The following MAPK10 variants were observed in gnomAD, a reference collection of about 807,000 sequenced individuals.
MAPK10 encodes JNK3 alpha protein kinase.
In MAPK10, 25 loss-of-function variants were observed where a neutral mutation model predicts 59.3. That is an observed-to-expected ratio of 0.42 (90% CI 0.31 to 0.59). MAPK10 has a LOEUF of 0.59. Ranked by LOEUF, MAPK10 falls within the 20% of genes least tolerant of loss-of-function variation. The pLI, the probability that MAPK10 is intolerant of heterozygous loss-of-function variation, is 0.15. For missense variants in MAPK10, 351 were observed against 568.9 expected, an observed-to-expected ratio of 0.62 and a Z score of 3.90; for synonymous variants, 190 against 200.5, an observed-to-expected ratio of 0.95 and a Z score of 0.44.
At chr4:86,128,800 A>T (rs1346063711) in intron 4 of MAPK10, among the ~76,000 whole-genome samples, 1 of 152,238 alleles carries the variant, frequency 6.6e-6, no homozygotes, top group African/African-American at 2.4e-5. Flanking sequence ...TATAACTGAC[A>T]TCACTTGCTG....
intron 1 of MAPK10, among the ~76,000 whole-genome samples, chr4:86,509,173 G>C (rs1379276455): frequency 1.3e-5 from 2 of 151,890 alleles, no homozygotes; most frequent in Non-Finnish European, 2.9e-5. Flanking sequence ...ATCTTAAAGG[G>C]CTTTCAAATT....
At chr4:86,125,472 G>A (rs574635948) in intron 4 of MAPK10, 1 of 151,734 alleles carries the variant, frequency 6.6e-6, no homozygotes, top group South Asian at 2.1e-4. Flanking sequence ...ATTTTAGCAT[G>A]TACTTTCATT....
At chr4:86,215,855 C>T (rs1275366853) in intron 2 of MAPK10, among the ~76,000 whole-genome samples, 1 of 152,122 alleles carries the variant, frequency 6.6e-6, no homozygotes, top group African/African-American at 2.4e-5. Context: ...GATTGAGACT[C>T]CATCTCAAAA....
chr4:86,133,120 AT>A (rs2149145359), intron 4 of MAPK10, among the ~76,000 whole-genome samples: 1 of 152,324 alleles, frequency 6.6e-6, no homozygotes, highest in African/African-American at 2.4e-5. Flanking sequence ...GCTGAAAAAA[AT>A]ATTTTCCAAA....
intron 2 of MAPK10, among the ~76,000 whole-genome samples, chr4:86,203,482 G>A (rs564319177): frequency 3.3e-5 from 5 of 151,346 alleles, no homozygotes; most frequent in African/African-American, 1.2e-4. Context: ...AGGATTCCAT[G>A]GTTTGTCACT....
chr4:86,552,495 G>GGGAA (rs1759908144), intron 1 of MAPK10, among the ~76,000 whole-genome samples: 2 of 45,754 alleles, frequency 4.4e-5, no homozygotes, highest in Non-Finnish European at 1.0e-4. Flanking sequence ...GAGGGAGGGA[G>GGGAA]GGAAGGAAAG....
At chr4:86,303,210 C>T (rs964064179) in intron 2 of MAPK10, among the ~76,000 whole-genome samples, 2 of 152,160 alleles carry the variant, frequency 1.3e-5, no homozygotes, top group Non-Finnish European at 2.9e-5. Context: ...TCCTTCAACT[C>T]TTTTCAATTT....
intron 2 of MAPK10, among the ~76,000 whole-genome samples, chr4:86,329,836 CTTATTATA>C (rs144639178): frequency 0.45 from 67,566 of 151,368 alleles, 15,466 homozygotes; most frequent in Non-Finnish European, 0.51. Context: ...AAGAATGTCT[CTTATTATA>C]TTATTTTCAA....
At chr4:86,199,755 A>G (rs1404472195) in intron 2 of MAPK10, among the ~76,000 whole-genome samples, 1 of 152,082 alleles carries the variant, frequency 6.6e-6, no homozygotes, top group East Asian at 1.9e-4. Flanking sequence ...TATTTTACAG[A>G]AAAAAGGTCA....
At chr4:86,147,094 A>AT (rs992545089) in intron 4 of MAPK10, among the ~76,000 whole-genome samples, 2,035 of 147,750 alleles carry the variant, frequency 0.014, 41 homozygotes, top group African/African-American at 0.045. Context: ...TCTTCTTCTT[A>AT]TTTTTTTTTT....
At chr4:86,063,852 T>C (rs2046213051) in intron 11 of MAPK10, among the ~76,000 whole-genome samples, 1 of 152,030 alleles carries the variant, frequency 6.6e-6, no homozygotes, top group Non-Finnish European at 1.5e-5. Flanking sequence ...CTAATTGAAA[T>C]ATTCTTAAGT....
At chr4:86,251,325 C>T (rs1030283039) in intron 2 of MAPK10, among the ~76,000 whole-genome samples, 2 of 151,932 alleles carry the variant, frequency 1.3e-5, no homozygotes, top group African/African-American at 4.8e-5. Context: ...TCCCTCCCCC[C>T]TCCTCCCTCC....
intron 11 of MAPK10, among the ~76,000 whole-genome samples, chr4:86,040,617 G>A (rs2041321884): frequency 6.6e-6 from 1 of 152,068 alleles, no homozygotes; most frequent in Non-Finnish European, 1.5e-5. Flanking sequence ...TCACGTAGAG[G>A]AAAGTTAAAG....
At chr4:86,081,380 C>T (rs542828652) in intron 9 of MAPK10, 1 of 151,838 alleles carries the variant, frequency 6.6e-6, no homozygotes, top group Non-Finnish European at 1.5e-5. Context: ...AGATTGCCAA[C>T]TTCTAAAACT....
At chr4:86,165,612 G>A (rs1301632516) in intron 3 of MAPK10, among the ~76,000 whole-genome samples, 1 of 126,940 alleles carries the variant, frequency 7.9e-6, no homozygotes, top group Non-Finnish European at 1.6e-5. Context: ...TGTTGCCCAG[G>A]CTGGTCTTGA....
At chr4:86,349,859 G>A (rs112174134) in intron 2 of MAPK10, among the ~76,000 whole-genome samples, 4 of 152,212 alleles carry the variant, frequency 2.6e-5, no homozygotes, top group African/African-American at 7.2e-5. Context: ...AGTCACAAAC[G>A]TCTTAAAGGA....
chr4:86,258,421 A>AC (rs1280302772), intron 2 of MAPK10, among the ~76,000 whole-genome samples: 1 of 151,966 alleles, frequency 6.6e-6, no homozygotes, highest in Non-Finnish European at 1.5e-5. Flanking sequence ...TGGGTTTTAA[A>AC]CCCCTTCTAT....
chr4:86,526,391 G>T (rs1236911835), intron 1 of MAPK10, among the ~76,000 whole-genome samples: 1 of 152,030 alleles, frequency 6.6e-6, no homozygotes, highest in African/African-American at 2.4e-5. Context: ...ATGATCTTTT[G>T]TACTTCTGTG....
At chr4:86,574,970 G>A (rs1761766402) in intron 1 of MAPK10, among the ~76,000 whole-genome samples, 1 of 152,164 alleles carries the variant, frequency 6.6e-6, no homozygotes, top group Admixed American at 6.5e-5. Context: ...ATTTCTGCAT[G>A]TGTCTATGAG....
Sources: allele counts gnomAD v4.1 joint callset (sites outside exome capture counted in the v4.1 genomes callset), GRCh38; gene constraint gnomAD v4.1.1; transcripts MANE v1.5; gene names NCBI Gene and HGNC (gene_info 2026-07-23, HGNC 2026-07-21).